Variants in PTPN2 observed in about 807,000 individuals in gnomAD.
The protein encoded by PTPN2 is protein tyrosine phosphatase non-receptor type 2.
In PTPN2, 19 loss-of-function variants were observed where a neutral mutation model predicts 57.3. That is an observed-to-expected ratio of 0.33 (90% CI 0.23 to 0.49). PTPN2 has a LOEUF of 0.49. Ranked by LOEUF, PTPN2 falls within the 20% of genes least tolerant of loss-of-function variation. The pLI, the probability that PTPN2 is intolerant of heterozygous loss-of-function variation, is 0.99. For missense variants in PTPN2, 358 were observed against 501.1 expected, an observed-to-expected ratio of 0.71 and a Z score of 2.73; for synonymous variants, 153 against 164.9, an observed-to-expected ratio of 0.93 and a Z score of 0.55.
At chr18:12,827,094 A>G (rs2042494050) in intron 4 of PTPN2, among the ~76,000 whole-genome samples, 1 of 152,044 alleles carries the variant, frequency 6.6e-6, no homozygotes, top group African/African-American at 2.4e-5. Flanking sequence ...CTGTAATCCC[A>G]GCACTTTGGG....
At chr18:12,875,971 G>T (rs2044473795) in intron 1 of PTPN2, among the ~76,000 whole-genome samples, 1 of 152,140 alleles carries the variant, frequency 6.6e-6, no homozygotes, top group East Asian at 1.9e-4. Context: ...ATTATGGAAG[G>T]GTGAAGCCGG....
At chr18:12,815,089 T>G (rs1385618385) in intron 6 of PTPN2, among the ~76,000 whole-genome samples, 3 of 24,686 alleles carry the variant, frequency 1.2e-4, no homozygotes, top group South Asian at 4.0e-3. Context: ...ATCTCAAAAA[T>G]AAATAAATAA....
intron 2 of PTPN2, among the ~76,000 whole-genome samples, chr18:12,854,359 T>TG (rs774549143): frequency 0.087 from 736 of 8,502 alleles, 11 homozygotes; most frequent in African/African-American, 0.13. Flanking sequence ...GACCCTGTCT[T>TG]GAAAAAAAAA....
intron 8 of PTPN2, among the ~76,000 whole-genome samples, chr18:12,794,984 A>G (rs1473581057): frequency 2.6e-5 from 4 of 152,166 alleles, no homozygotes; most frequent in Non-Finnish European, 5.9e-5. Context: ...TTCCTGGTAC[A>G]GTTTTATATT....
intron 1 of PTPN2, among the ~76,000 whole-genome samples, chr18:12,860,375 G>T (rs1177461060): frequency 2.6e-5 from 4 of 151,876 alleles, no homozygotes; most frequent in South Asian, 2.1e-4. Context: ...GAGGTGGGTG[G>T]ATCACGAGGT....
Position 12,870,321 on chromosome 18 carries a change from GTATATATATGTATATATATACA to G in PTPN2, c.70-11089_70-11068del, listed in dbSNP as rs1200545354. Among the ~76,000 whole-genome samples the G allele has an allele frequency of 1.1e-3, 45 of 40,984 alleles. 6 individuals carry two copies. In the East Asian group the frequency reaches 0.026, roughly 23 times the overall value. The allele number at this position is 40,984 out of a possible 152,430, so 26.9% of individuals were successfully genotyped here. On this transcript the variant is annotated intron_variant, in intron 1 of 8. Transcript: ENST00000309660. ...TATGTGTATATATACATATATATGT[GTATATATATGTATATATATACA>G]TATATATGTGTATATATATGTGTAT...
chr18:12,875,600 AT>A (rs1280016391), intron 1 of PTPN2, among the ~76,000 whole-genome samples: 2 of 152,370 alleles, frequency 1.3e-5, no homozygotes, highest in South Asian at 2.1e-4. Flanking sequence ...TTAATGGGGC[AT>A]TAAGTTAAGG....
chr18:12,856,218 G>A (rs1411249034), intron 2 of PTPN2, among the ~76,000 whole-genome samples: 1 of 152,232 alleles, frequency 6.6e-6, no homozygotes, highest in Non-Finnish European at 1.5e-5. Context: ...ACTGAAGTCA[G>A]GAGAGGAGAG....
intron 1 of PTPN2, among the ~76,000 whole-genome samples, chr18:12,881,042 A>G (rs1000340578): frequency 2.0e-5 from 3 of 152,088 alleles, no homozygotes; most frequent in African/African-American, 7.2e-5. Context: ...GAAGCTCATC[A>G]TGTCTCTTCA....
Position 12,859,168 on chromosome 18 carries a change from G to A in PTPN2, c.156C>T (p.Ser52=). 1 of 1,611,182 alleles carries A rather than the reference G, an allele frequency of 6.2e-7. No homozygotes were observed. The highest frequency in any genetic ancestry group is 8.5e-7 in the Non-Finnish European group (1 of 1,177,616). Residue 52 remains serine, a synonymous_variant, in exon 2 of 9, where the codon AGC becomes AGT. Transcript: ENST00000309660. ...CACAAACCCACAAGTACTTACATGG[G>A]CTTACATCTCTGTATCTGTTTCGAT... ...NRNRNRYRDV[S]PYDHSRVKLQ...
At chr18:12,835,446 C>G (rs1015343096) in intron 3 of PTPN2, among the ~76,000 whole-genome samples, 2 of 131,060 alleles carry the variant, frequency 1.5e-5, no homozygotes, top group Non-Finnish European at 3.1e-5. Flanking sequence ...CACTATCTTG[C>G]CTCACTGCCA....
At chr18:12,855,570 T>C (rs1022612150) in intron 2 of PTPN2, among the ~76,000 whole-genome samples, 4 of 152,094 alleles carry the variant, frequency 2.6e-5, no homozygotes, top group Admixed American at 2.0e-4. Context: ...AATTTTTATC[T>C]GTAGAATTGA....
intron 2 of PTPN2, among the ~76,000 whole-genome samples, chr18:12,854,838 A>G (rs186291192): frequency 8.1e-4 from 123 of 152,216 alleles, no homozygotes; most frequent in Non-Finnish European, 1.5e-3. Flanking sequence ...AAAATCAGAA[A>G]AATTACGGGG....
At chr18:12,795,125 C>G (rs2041123692) in intron 8 of PTPN2, among the ~76,000 whole-genome samples, 1 of 152,158 alleles carries the variant, frequency 6.6e-6, no homozygotes, top group Non-Finnish European at 1.5e-5. Context: ...AAGGGGGTAC[C>G]ACTTGCATCT....
Position 12,802,146 on chromosome 18 carries a change from T to C in PTPN2, c.864A>G (p.Arg288=), listed in dbSNP as rs2041455848. Residue 288 remains arginine, a synonymous_variant, in exon 8 of 9, where the codon CGA becomes CGG. Transcript: ENST00000309660. ...CIKGDSSIQK[R]WKELSKEDLS... ...AGTCTTCCTTAGAAAGTTCTTTCCA[T>C]CGTTTCTAGGTAGGGAAGAGAAATG... 5 of 1,602,574 alleles carry C rather than the reference T, an allele frequency of 3.1e-6. No homozygotes were observed. Among genetic ancestry groups the C allele is most frequent in the Non-Finnish European group, 4.3e-6 (5 of 1,174,984 alleles).
intron 7 of PTPN2, among the ~76,000 whole-genome samples, chr18:12,813,826 T>C (rs189706792): frequency 3.5e-4 from 54 of 152,356 alleles, no homozygotes; most frequent in Admixed American, 1.6e-3. Flanking sequence ...CTGCCATAAA[T>C]ATTCAAGTTG....
intron 1 of PTPN2, among the ~76,000 whole-genome samples, chr18:12,860,069 C>T (rs2043739328): frequency 6.6e-6 from 1 of 151,078 alleles, no homozygotes; most frequent in Non-Finnish European, 1.5e-5. Flanking sequence ...CGGGGAATCA[C>T]CTGAGGTCAG....
chr18:12,814,366 G>A lies in PTPN2; in HGVS notation c.706-11C>T, dbSNP rs772273494. 24 of 1,567,572 alleles carry A rather than the reference G, an allele frequency of 1.5e-5. No homozygotes were observed. The highest frequency in any genetic ancestry group is 1.7e-4 in the Middle Eastern group (1 of 5,864). On this transcript the variant is annotated splice_polypyrimidine_tract_variant and intron_variant, in intron 6 of 8. Coordinates refer to ENST00000309660, the MANE Select transcript of PTPN2 (RefSeq NM_002828.4). ...ATCTCCTTTTTCCATCTGCAAGAAA[G>A]GCAAAAAATGAGACAAGTCTTGTTA...
chr18:12,863,944 A>G (rs1270882786), intron 1 of PTPN2: 2 of 152,218 alleles, frequency 1.3e-5, no homozygotes, highest in Non-Finnish European at 2.9e-5. Flanking sequence ...TAGCACAAAG[A>G]TATCTTTCAC....
Sources: allele counts gnomAD v4.1 joint callset (sites outside exome capture counted in the v4.1 genomes callset), GRCh38; gene constraint gnomAD v4.1.1; transcripts MANE v1.5; gene names NCBI Gene and HGNC (gene_info 2026-07-23, HGNC 2026-07-21).